Variants in GRID2 observed in about 807,000 individuals in gnomAD.
The protein encoded by GRID2 is glutamate ionotropic receptor delta type subunit 2.
A neutral mutation model predicts 114.8 loss-of-function variants in GRID2; 33 were observed. That is an observed-to-expected ratio of 0.29 (90% CI 0.22 to 0.38). GRID2 has a LOEUF of 0.38. GRID2 is among the 10% of genes least tolerant of loss of function. The pLI is 1.00. For synonymous variants in GRID2, 505 were observed against 449.9 expected, an observed-to-expected ratio of 1.12 and a Z score of -1.55; for missense variants, 1,184 against 1,257.7, an observed-to-expected ratio of 0.94 and a Z score of 0.89.
chr4:93,105,399 C>T (rs559742241), intron 3 of GRID2, among the ~76,000 whole-genome samples: 555 of 152,148 alleles, frequency 3.6e-3, no homozygotes, highest in Admixed American at 7.1e-3. Context: ...ATGTCCTGAA[C>T]GGTAATGCCT....
At chr4:93,742,792 G>T (rs1165176897) in intron 14 of GRID2, among the ~76,000 whole-genome samples, 1 of 152,006 alleles carries the variant, frequency 6.6e-6, no homozygotes, top group Non-Finnish European at 1.5e-5. Context: ...CTTCTCCTCT[G>T]GCCCTCCTGT....
chr4:93,723,639 A>C (rs1489015205), intron 14 of GRID2, among the ~76,000 whole-genome samples: 1 of 152,286 alleles, frequency 6.6e-6, no homozygotes, highest in South Asian at 2.1e-4. Flanking sequence ...TGAACTTACT[A>C]TTTCCCCCAG....
chr4:93,497,867 A>G (rs528010032), intron 12 of GRID2, among the ~76,000 whole-genome samples: 1 of 151,980 alleles, frequency 6.6e-6, no homozygotes, highest in South Asian at 2.1e-4. Flanking sequence ...TATCTACAAA[A>G]ATATTGCTGA....
At chr4:93,412,446 A>C (rs2149354491) in intron 9 of GRID2, among the ~76,000 whole-genome samples, 1 of 152,218 alleles carries the variant, frequency 6.6e-6, no homozygotes, top group Non-Finnish European at 1.5e-5. Flanking sequence ...GTTGTTTTCA[A>C]CTTCTTCCTA....
At chr4:93,264,897 C>T (rs1160931212) in intron 8 of GRID2, among the ~76,000 whole-genome samples, 1 of 151,348 alleles carries the variant, frequency 6.6e-6, no homozygotes, top group Non-Finnish European at 1.5e-5. Context: ...ATACTCTTGC[C>T]TCAGCCTCTC....
chr4:93,185,590 T>C (rs1740325133), intron 4 of GRID2, among the ~76,000 whole-genome samples: 1 of 152,180 alleles, frequency 6.6e-6, no homozygotes, highest in Non-Finnish European at 1.5e-5. Flanking sequence ...TATATATCTC[T>C]TAAAAAATGG....
chr4:92,967,559 A>T (rs937981104), intron 2 of GRID2, among the ~76,000 whole-genome samples: 1 of 151,868 alleles, frequency 6.6e-6, no homozygotes, highest in African/African-American at 2.4e-5. Flanking sequence ...ATTGCTGGAA[A>T]GCAAGCTCTT....
chr4:92,828,173 T>C (rs188614144), intron 2 of GRID2, among the ~76,000 whole-genome samples: 32 of 152,080 alleles, frequency 2.1e-4, no homozygotes, highest in Admixed American at 8.5e-4. Flanking sequence ...TACATTTGAG[T>C]TGCTAAAATC....
At chr4:93,718,202 T>A (rs530377066) in intron 14 of GRID2, among the ~76,000 whole-genome samples, 1 of 152,344 alleles carries the variant, frequency 6.6e-6, no homozygotes, top group African/African-American at 2.4e-5. Context: ...GATGTGTACT[T>A]GTATATATAC....
intron 8 of GRID2, among the ~76,000 whole-genome samples, chr4:93,368,552 C>T (rs1762566950): frequency 6.6e-6 from 1 of 152,130 alleles, no homozygotes. Flanking sequence ...TCTCTCCCCA[C>T]TCCCACCTCT....
chr4:92,767,777 G>A (rs956141448), intron 2 of GRID2, among the ~76,000 whole-genome samples: 3 of 152,074 alleles, frequency 2.0e-5, no homozygotes, highest in African/African-American at 4.8e-5. Context: ...CACAGTATGC[G>A]TGCCTTTAGT....
rs550310415 is a variant in GRID2, at chr4:93,323,026, G to C, written c.1246-72581G>C. Among the ~76,000 whole-genome samples, 10 of 152,150 alleles carry C rather than the reference G, an allele frequency of 6.6e-5. No individual in the cohort carries two copies. The South Asian group carries it at 2.1e-3, about 32-fold the overall frequency. On this transcript the variant is annotated intron_variant, in intron 8 of 15. Transcript: ENST00000282020. Reference sequence around the variant, plus strand: ...GTTCACTCTGATGGTAGTTTCTTTTGCTGCGCAGGAGCTCTTTAGTTTAAT... The same window carrying C: ...GTTCACTCTGATGGTAGTTTCTTTTCCTGCGCAGGAGCTCTTTAGTTTAAT...
intron 13 of GRID2, among the ~76,000 whole-genome samples, chr4:93,521,134 C>T (rs909535252): frequency 2.6e-5 from 4 of 152,020 alleles, no homozygotes; most frequent in East Asian, 1.9e-4. Context: ...ATATCTTTGG[C>T]TTACGTAGGT....
intron 13 of GRID2, among the ~76,000 whole-genome samples, chr4:93,539,953 C>T (rs1297600461): frequency 6.6e-6 from 1 of 151,884 alleles, no homozygotes; most frequent in Non-Finnish European, 1.5e-5. Context: ...TTCTTCAGTT[C>T]TGAAAGTTTT....
intron 12 of GRID2, among the ~76,000 whole-genome samples, chr4:93,493,733 A>G (rs1415111337): frequency 6.6e-6 from 1 of 151,714 alleles, no homozygotes; most frequent in African/African-American, 2.4e-5. Context: ...CAAATTTTTC[A>G]TCCATAGGTT....
intron 13 of GRID2, among the ~76,000 whole-genome samples, chr4:93,553,722 A>G (rs1734012093): frequency 6.6e-6 from 1 of 152,212 alleles, no homozygotes; most frequent in Non-Finnish European, 1.5e-5. Context: ...AAGGTTCTAT[A>G]TAATTCACAT....
At chr4:92,452,821 T>A (rs1720998382) in intron 1 of GRID2, among the ~76,000 whole-genome samples, 2 of 121,960 alleles carry the variant, frequency 1.6e-5, no homozygotes, top group South Asian at 4.9e-4. Context: ...AATATATGTT[T>A]ACCATATATA....
chr4:92,749,872 T>G (rs920194198), intron 2 of GRID2, among the ~76,000 whole-genome samples: 5 of 151,984 alleles, frequency 3.3e-5, no homozygotes, highest in African/African-American at 1.2e-4. Flanking sequence ...ATTGATTGAT[T>G]GATTGATTGA....
At chr4:92,666,650 G>GTTTTTTGTTTTTTTTTTTTTTTTT (rs1286942855) in intron 2 of GRID2, among the ~76,000 whole-genome samples, 2 of 68,600 alleles carry the variant, frequency 2.9e-5, no homozygotes, top group African/African-American at 1.0e-4. Context: ...CTTAAGGGTT[G>GTTTTTTGTTTTTTTTTTTTTTTTT]TTTTTTTTTT....
Sources: gnomAD v4.1 joint callset for allele counts (sites outside exome capture counted in the v4.1 genomes callset) on GRCh38, gnomAD v4.1.1 for gene constraint, MANE v1.5 for transcripts, NCBI Gene and HGNC (gene_info 2026-07-23, HGNC 2026-07-21) for gene names.